DOCK3: variants seen among roughly 807,000 people sequenced by gnomAD.
DOCK3 encodes dedicator of cytokinesis 3, also known as dedicator of cytokinesis protein 3.
Under a neutral mutation model 265.6 loss-of-function variants are expected in DOCK3, and 60 were observed. The observed-to-expected ratio is 0.23, with a 90% CI of 0.18 to 0.28. The LOEUF (loss-of-function observed/expected upper bound fraction) is 0.28. Among genes scored for constraint, DOCK3 ranks in the 10% least tolerant of loss-of-function variants. The probability of loss-of-function intolerance (pLI) is 1.00; values close to 1 mark genes in which losing one functional copy is unlikely to be tolerated. For synonymous variants in DOCK3, 881 were observed against 938.0 expected, an observed-to-expected ratio of 0.94 and a Z score of 1.11; for missense variants, 1,981 against 2,594.3, an observed-to-expected ratio of 0.76 and a Z score of 5.14.
At chr3:51,186,351 T>A (rs939308931) in intron 12 of DOCK3, among the ~76,000 whole-genome samples, 2 of 152,190 alleles carry the variant, frequency 1.3e-5, no homozygotes, top group African/African-American at 4.8e-5. Flanking sequence ...AGGAAATTTC[T>A]AAGCAGCAAA....
chr3:50,893,009 G>A (rs2048712629), intron 4 of DOCK3, among the ~76,000 whole-genome samples: 1 of 152,108 alleles, frequency 6.6e-6, no homozygotes, highest in South Asian at 2.1e-4. Context: ...TTGGGAGAAG[G>A]CACAGAACCC....
intron 1 of DOCK3, among the ~76,000 whole-genome samples, chr3:50,770,758 C>G (rs950017293): frequency 3.3e-5 from 5 of 152,142 alleles, no homozygotes; most frequent in Admixed American, 6.5e-5. Flanking sequence ...TTGTCTAACC[C>G]TAACCCTAAC....
chr3:51,064,657 G>A lies in DOCK3; in HGVS notation c.464+61G>A, dbSNP rs546697628. 41 of 1,584,234 alleles carry A rather than the reference G, an allele frequency of 2.6e-5. No individual in the cohort carries two copies. In the East Asian group the frequency reaches 5.6e-4, roughly 22 times the overall value. On this transcript the variant is annotated intron_variant, in intron 6 of 52. Coordinates refer to ENST00000266037, the MANE Select transcript of DOCK3 (RefSeq NM_004947.5). ...CATTTATGATAACTCAGTCTTCAGG[G>A]AGTTTGCACCTATACAAAGCTTCTC...
intron 3 of DOCK3, among the ~76,000 whole-genome samples, chr3:50,888,436 C>T (rs2048456364): frequency 1.3e-5 from 2 of 152,068 alleles, no homozygotes; most frequent in South Asian, 4.2e-4. Flanking sequence ...CCATACTGCC[C>T]AAGGTAATTT....
chr3:50,722,354 G>A (rs761416321), intron 1 of DOCK3, among the ~76,000 whole-genome samples: 1 of 152,186 alleles, frequency 6.6e-6, no homozygotes, highest in Non-Finnish European at 1.5e-5. Flanking sequence ...TATCTGGACT[G>A]GAAAGTGGTA....
intron 5 of DOCK3, among the ~76,000 whole-genome samples, chr3:50,959,497 A>G (rs1461875059): frequency 6.7e-6 from 1 of 150,082 alleles, no homozygotes; most frequent in Non-Finnish European, 1.5e-5. Flanking sequence ...TCCCATTTTC[A>G]ATCCCTAGTA....
chr3:50,845,480 A>G (rs2046036311), intron 3 of DOCK3, among the ~76,000 whole-genome samples: 1 of 152,178 alleles, frequency 6.6e-6, no homozygotes, highest in Admixed American at 6.5e-5. Flanking sequence ...ACAGCAAAAA[A>G]TTGCAAGACA....
intron 49 of DOCK3, among the ~76,000 whole-genome samples, chr3:51,369,900 G>A (rs2087546783): frequency 6.6e-6 from 1 of 152,208 alleles, no homozygotes; most frequent in African/African-American, 2.4e-5. Flanking sequence ...TTGGGGCACA[G>A]ATCTTTACAC....
chr3:51,047,768 A>C (rs1248447687), intron 5 of DOCK3, among the ~76,000 whole-genome samples: 1 of 152,158 alleles, frequency 6.6e-6, no homozygotes, highest in Admixed American at 6.5e-5. Flanking sequence ...CCAACAGAGG[A>C]AATCCCGGGA....
intron 9 of DOCK3, among the ~76,000 whole-genome samples, chr3:51,125,090 C>G (rs2084210898): frequency 6.6e-6 from 1 of 152,018 alleles, no homozygotes; most frequent in Non-Finnish European, 1.5e-5. Context: ...CCACTGCACT[C>G]CAGCCTGGGC....
intron 1 of DOCK3, among the ~76,000 whole-genome samples, chr3:50,774,798 G>C (rs910746578): frequency 6.6e-6 from 1 of 151,908 alleles, no homozygotes; most frequent in African/African-American, 2.4e-5. Context: ...TATCACCAGT[G>C]TGTGTGATGT....
chr3:51,354,786 AG>A, intron 40 of DOCK3, 95 bp from the exon 41 acceptor site: 1 of 1,523,928 alleles, frequency 6.6e-7, no homozygotes, highest in Non-Finnish European at 8.8e-7. Flanking sequence ...AAGGCTCCTA[AG>A]ATATGTTTGT....
intron 5 of DOCK3, among the ~76,000 whole-genome samples, chr3:50,945,962 C>T (rs2076415416): frequency 6.6e-6 from 1 of 151,870 alleles, no homozygotes; most frequent in South Asian, 2.1e-4. Context: ...TGTAGTGGCT[C>T]ATTTCTGTAA....
chr3:50,977,172 T>G (rs2077483549), intron 5 of DOCK3, among the ~76,000 whole-genome samples: 1 of 151,804 alleles, frequency 6.6e-6, no homozygotes, highest in Non-Finnish European at 1.5e-5. Flanking sequence ...ATGTGTGAAT[T>G]TGATCCTGTA....
intron 27 of DOCK3, among the ~76,000 whole-genome samples, chr3:51,292,411 A>G (rs2081837010): frequency 6.6e-6 from 1 of 152,196 alleles, no homozygotes; most frequent in Admixed American, 6.5e-5. Context: ...GATTCAGTAA[A>G]ATTGCAGGAG....
chr3:51,350,785 C>T (rs904969949), intron 40 of DOCK3, among the ~76,000 whole-genome samples: 2 of 152,212 alleles, frequency 1.3e-5, no homozygotes, highest in Non-Finnish European at 2.9e-5. Flanking sequence ...AGACTGGCCT[C>T]TTAGGGTTTG....
At chr3:51,325,595 A>T (rs1326478148) in intron 32 of DOCK3, among the ~76,000 whole-genome samples, 1 of 152,198 alleles carries the variant, frequency 6.6e-6, no homozygotes, top group Non-Finnish European at 1.5e-5. Context: ...TCATTCTACT[A>T]TAAAGACACA....
chr3:50,852,871 T>A (rs973254124), intron 3 of DOCK3, among the ~76,000 whole-genome samples: 2 of 152,216 alleles, frequency 1.3e-5, no homozygotes, highest in Non-Finnish European at 2.9e-5. Context: ...ATTTATTGTC[T>A]CCTGGCTTTA....
chr3:50,719,582 A>G lies in DOCK3; in HGVS notation c.37+44282A>G, dbSNP rs930621250. On this transcript the variant is annotated intron_variant, in intron 1 of 52. Transcript: ENST00000266037. ...CTGCATAATATTAATGCTATTATTC[A>G]CCTTGCCAAAGACCACATGCTTGCC... 1.5e-5 allele frequency: 21 copies of G among 1,430,512 alleles called. No homozygotes were observed. In the Middle Eastern group the frequency reaches 1.6e-3, roughly 111 times the overall value. The allele number at this position is 1,430,512 out of a possible 1,614,324, so 88.6% of individuals were successfully genotyped here. A position where few individuals can be genotyped will look rare whatever the true frequency, so the allele number is the denominator to read the frequency against.
Sources: allele counts gnomAD v4.1 joint callset (sites outside exome capture counted in the v4.1 genomes callset), GRCh38; gene constraint gnomAD v4.1.1; transcripts MANE v1.5; gene names NCBI Gene and HGNC (gene_info 2026-07-23, HGNC 2026-07-21).